MAN1A2: variants seen among roughly 807,000 people sequenced by gnomAD.
The protein encoded by MAN1A2 is mannosidase alpha class 1A member 2.
Under a neutral mutation model 75.7 loss-of-function variants are expected in MAN1A2, and 26 were observed. The ratio of observed to expected loss-of-function variants is 0.34; its 90% CI spans 0.25 to 0.48. The LOEUF is 0.48. MAN1A2 is among the 20% of genes least tolerant of loss of function. The pLI is 0.99. For missense variants in MAN1A2, 562 were observed against 775.5 expected (o/e 0.72, Z 3.27); for synonymous variants, 247 against 264.6 (o/e 0.93, Z 0.65).
At chr1:117,449,727 A>G (rs1001236644) in intron 6 of MAN1A2, among the ~76,000 whole-genome samples, 1 of 152,244 alleles carries the variant, frequency 6.6e-6, no homozygotes, top group Non-Finnish European at 1.5e-5. Flanking sequence ...AAACACAAGA[A>G]TGATGAGAAA....
At chr1:117,440,237 T>A (rs1648985584) in intron 5 of MAN1A2, among the ~76,000 whole-genome samples, 1 of 152,072 alleles carries the variant, frequency 6.6e-6, no homozygotes, top group African/African-American at 2.4e-5. Context: ...AATTTCTGTT[T>A]TTGTGAGGTT....
chr1:117,448,934 T>A (rs1009612102), intron 6 of MAN1A2, among the ~76,000 whole-genome samples: 1 of 152,210 alleles, frequency 6.6e-6, no homozygotes, highest in Non-Finnish European at 1.5e-5. Context: ...CTATCGGGGC[T>A]ATTTTTCCAA....
At chr1:117,451,968 A>G (rs990711818) in intron 6 of MAN1A2, among the ~76,000 whole-genome samples, 2 of 152,008 alleles carry the variant, frequency 1.3e-5, no homozygotes, top group African/African-American at 4.8e-5. Context: ...AGCCTGGGGG[A>G]CAGAGCCAGA....
chr1:117,432,918 AGATATAT>A (rs1166423820), intron 5 of MAN1A2, among the ~76,000 whole-genome samples: 5 of 148,454 alleles, frequency 3.4e-5, no homozygotes, highest in Non-Finnish European at 1.5e-5. Context: ...AAAAGATAAA[AGATATAT>A]AAAAGATCTT....
chr1:117,417,368 A>C (rs1425860031), intron 4 of MAN1A2, among the ~76,000 whole-genome samples: 2 of 151,420 alleles, frequency 1.3e-5, no homozygotes, highest in Non-Finnish European at 2.9e-5. Flanking sequence ...ATTTGGAGTT[A>C]GGTCTTTCAT....
chr1:117,368,027 C>T lies in MAN1A2; in HGVS notation c.-157C>T, dbSNP rs1652825828. On this transcript the variant is annotated 5_prime_UTR_variant, in exon 1 of 13. Coordinates refer to ENST00000356554, the MANE Select transcript of MAN1A2 (RefSeq NM_006699.5). ...ACGTTTCTGAGTGGGAATGGATGGG[C>T]GTGAATGACGTGCCCTCTTAAAAAG... 2 of 653,352 alleles carry T rather than the reference C, an allele frequency of 3.1e-6. No individual in the cohort carries two copies. Among genetic ancestry groups the T allele is most frequent in the Non-Finnish European group, 5.2e-6 (2 of 383,480 alleles). The allele number at this position is 653,352 out of a possible 1,614,324, so 40.5% of individuals were successfully genotyped here.
At chr1:117,414,578 C>T (rs1282894188) in intron 3 of MAN1A2, 135 bp from the exon 4 acceptor site, 2 of 511,384 alleles carry the variant, frequency 3.9e-6, no homozygotes, top group Non-Finnish European at 7.1e-6. Context: ...AGTCCTTATA[C>T]TCTTACTTTA....
intron 8 of MAN1A2, among the ~76,000 whole-genome samples, chr1:117,479,287 T>C (rs923989465): frequency 3.9e-5 from 6 of 152,026 alleles, no homozygotes; most frequent in Non-Finnish European, 7.4e-5. Flanking sequence ...TGTTCCTTTT[T>C]ATGGCTGAAT....
intron 7 of MAN1A2, among the ~76,000 whole-genome samples, chr1:117,461,654 A>G (rs764819203): frequency 4.6e-5 from 7 of 152,196 alleles, no homozygotes; most frequent in African/African-American, 1.4e-4. Flanking sequence ...CAAAATATGT[A>G]TAACTCTTTA....
At chr1:117,442,440 A>C (rs966046855) in intron 6 of MAN1A2, 115 bp downstream of exon 6, 25 of 620,730 alleles carry the variant, frequency 4.0e-5, no homozygotes, top group Middle Eastern at 3.2e-4. Context: ...TTTTCTCTCT[A>C]TATATAATCT....
chr1:117,403,780 A>C (rs1647520444), intron 2 of MAN1A2, among the ~76,000 whole-genome samples: 1 of 151,932 alleles, frequency 6.6e-6, no homozygotes, highest in African/African-American at 2.4e-5. Context: ...GTCGTACTGC[A>C]GTGGCTAGGA....
Position 117,426,693 on chromosome 1 carries a change from G to A in MAN1A2, c.855+6044G>A, listed in dbSNP as rs141146583. On this transcript the variant is annotated intron_variant, in intron 5 of 12. Coordinates refer to ENST00000356554, the MANE Select transcript of MAN1A2 (RefSeq NM_006699.5). ...TAACAGAATGGCCATACGAGCACTT[G>A]AAGTATAGTTACTACTGAATACTTA... Among the ~76,000 whole-genome samples, 603 of 152,258 alleles carry A rather than the reference G, an allele frequency of 4.0e-3. 9 individuals carry two copies. Among genetic ancestry groups the A allele is most frequent in the African/African-American group, 0.014 (586 of 41,558 alleles).
At chr1:117,446,110 A>G (rs1356276139) in intron 6 of MAN1A2, among the ~76,000 whole-genome samples, 4 of 151,126 alleles carry the variant, frequency 2.6e-5, no homozygotes, top group Non-Finnish European at 5.9e-5. Flanking sequence ...TTTACCTTTC[A>G]TCTTTGTAGA....
At position 117,525,589 on chromosome 1, in the gene MAN1A2, C is replaced by G. The variant is rs1051966073; in HGVS notation, c.*2632C>G. On this transcript the variant is annotated 3_prime_UTR_variant, in exon 13 of 13. Transcript: ENST00000356554. ...CAGGTGCCTCTTCAAAGAGCTGACA[C>G]CTTACCTTGTGCCTTTGGCACAAAT... The G allele has an allele frequency of 1.3e-5, 2 of 154,534 alleles. No homozygotes were observed. Among genetic ancestry groups the G allele is most frequent in the African/African-American group, 4.8e-5 (2 of 41,430 alleles). 9.6% of individuals were successfully genotyped at this position (154,534 alleles called of 1,614,324 possible).
chr1:117,384,707 C>T (rs1232442742), intron 1 of MAN1A2, among the ~76,000 whole-genome samples: 1 of 152,132 alleles, frequency 6.6e-6, no homozygotes, highest in African/African-American at 2.4e-5. Flanking sequence ...TTTCTCCCTT[C>T]ATTTCTGGCC....
At chr1:117,510,287 TGA>T (rs1188268998) in intron 12 of MAN1A2, among the ~76,000 whole-genome samples, 2 of 152,026 alleles carry the variant, frequency 1.3e-5, no homozygotes, top group African/African-American at 4.8e-5. Context: ...CAAAATAAGC[TGA>T]GAGAGCGAAC....
chr1:117,425,923 AG>A (rs1648354695), intron 5 of MAN1A2, among the ~76,000 whole-genome samples: 2 of 152,080 alleles, frequency 1.3e-5, no homozygotes, highest in African/African-American at 4.8e-5. Flanking sequence ...TTCTTTTTGC[AG>A]GTTCAGGTTT....
At chr1:117,430,984 G>T (rs61805784) in intron 5 of MAN1A2, among the ~76,000 whole-genome samples, 15,203 of 136,242 alleles carry the variant, frequency 0.11, 961 homozygotes, top group Non-Finnish European at 0.14. Context: ...GAGGTTGGCG[G>T]ATCACTCGCG....
intron 8 of MAN1A2, among the ~76,000 whole-genome samples, chr1:117,491,278 C>G (rs572719642): frequency 6.6e-6 from 1 of 152,136 alleles, no homozygotes; most frequent in African/African-American, 2.4e-5. Flanking sequence ...GGGGCTAATG[C>G]AGCTGTTGAT....
Sources: gnomAD v4.1 joint callset for allele counts (sites outside exome capture counted in the v4.1 genomes callset) on GRCh38, gnomAD v4.1.1 for gene constraint, MANE v1.5 for transcripts, NCBI Gene and HGNC (gene_info 2026-07-23, HGNC 2026-07-21) for gene names.